DNER: variants seen among roughly 807,000 people sequenced by gnomAD.
The protein encoded by DNER is delta and Notch-like epidermal growth factor-related receptor.
In DNER, 33 loss-of-function variants were observed where a neutral mutation model predicts 78.2. The ratio of observed to expected loss-of-function variants is 0.42; its 90% CI spans 0.32 to 0.56. The LOEUF (loss-of-function observed/expected upper bound fraction) is 0.56. Among genes scored for constraint, DNER ranks in the 20% least tolerant of loss-of-function variants. DNER has a pLI of 0.11. For missense variants in DNER, 918 were observed against 975.3 expected, an observed-to-expected ratio of 0.94 and a Z score of 0.78; for synonymous variants, 417 against 384.8, an observed-to-expected ratio of 1.08 and a Z score of -0.98.
At chr2:229,489,999 G>A (rs564370412) in intron 6 of DNER, among the ~76,000 whole-genome samples, 23 of 152,204 alleles carry the variant, frequency 1.5e-4, no homozygotes, top group Middle Eastern at 3.4e-3. Flanking sequence ...AAGAAGGGGA[G>A]ATCAAAGTGG....
chr2:229,493,865 AG>A (rs1362724361), intron 6 of DNER, among the ~76,000 whole-genome samples: 1 of 152,224 alleles, frequency 6.6e-6, no homozygotes, highest in Non-Finnish European at 1.5e-5. Context: ...CAAGGAGCCC[AG>A]CTAGAAAAGG....
chr2:229,362,419 A>G (rs1018122312), intron 12 of DNER, among the ~76,000 whole-genome samples: 2 of 152,156 alleles, frequency 1.3e-5, no homozygotes, highest in African/African-American at 2.4e-5. Flanking sequence ...TGAAGCTCTC[A>G]CTTAACCTGT....
At chr2:229,673,300 C>T (rs1699241816) in intron 1 of DNER, among the ~76,000 whole-genome samples, 2 of 151,982 alleles carry the variant, frequency 1.3e-5, no homozygotes, top group African/African-American at 2.4e-5. Flanking sequence ...GAGAAGAAGG[C>T]ACGAGATGCA....
At chr2:229,441,522 CTA>C (rs1694234586) in intron 8 of DNER, among the ~76,000 whole-genome samples, 1 of 152,094 alleles carries the variant, frequency 6.6e-6, no homozygotes, top group African/African-American at 2.4e-5. Flanking sequence ...AGATTTCACT[CTA>C]GAGTGAATGC....
At chr2:229,491,890 C>A (rs1330256698) in intron 6 of DNER, among the ~76,000 whole-genome samples, 5 of 151,826 alleles carry the variant, frequency 3.3e-5, no homozygotes, top group African/African-American at 1.2e-4. Context: ...GGTTGCTCAG[C>A]CATAACCTTA....
intron 7 of DNER, among the ~76,000 whole-genome samples, chr2:229,463,477 G>A (rs778137104): frequency 1.3e-5 from 2 of 152,158 alleles, no homozygotes; most frequent in Non-Finnish European, 1.5e-5. Flanking sequence ...GTCTCGCTTT[G>A]TCTCCCAGGC....
At chr2:229,384,397 A>T (rs1235489173) in intron 11 of DNER, among the ~76,000 whole-genome samples, 1 of 152,200 alleles carries the variant, frequency 6.6e-6, no homozygotes, top group Admixed American at 6.5e-5. Context: ...AGAAGACAAG[A>T]AATAACTAAG....
intron 1 of DNER, among the ~76,000 whole-genome samples, chr2:229,700,521 A>T (rs1699729760): frequency 6.6e-6 from 1 of 151,886 alleles, no homozygotes; most frequent in South Asian, 2.1e-4. Flanking sequence ...GACATTATTT[A>T]AAAACTGGAA....
chr2:229,390,202 T>G (rs375344806), intron 10 of DNER, among the ~76,000 whole-genome samples: 30 of 152,350 alleles, frequency 2.0e-4, no homozygotes, highest in African/African-American at 6.3e-4. Context: ...ATCTGAACAC[T>G]GCAAATTCTG....
chr2:229,664,496 A>G (rs546900516), intron 1 of DNER, among the ~76,000 whole-genome samples: 3 of 152,258 alleles, frequency 2.0e-5, no homozygotes, highest in Admixed American at 1.3e-4. Flanking sequence ...AAATAATAAT[A>G]ATAATAACGA....
chr2:229,424,991 C>T (rs1467004812), intron 8 of DNER, among the ~76,000 whole-genome samples: 1 of 152,162 alleles, frequency 6.6e-6, no homozygotes, highest in East Asian at 1.9e-4. Context: ...TGTTCTAGAT[C>T]CTTTTTATAA....
intron 11 of DNER, among the ~76,000 whole-genome samples, chr2:229,382,957 A>G (rs1325997431): frequency 6.6e-6 from 1 of 152,172 alleles, no homozygotes; most frequent in Non-Finnish European, 1.5e-5. Flanking sequence ...AAGACACATA[A>G]TCATCAGATT....
At chr2:229,566,047 TGTC>T (rs1697099871) in intron 4 of DNER, among the ~76,000 whole-genome samples, 1 of 152,168 alleles carries the variant, frequency 6.6e-6, no homozygotes, top group South Asian at 2.1e-4. Context: ...TTACTATGAA[TGTC>T]GAAATAATAA....
chr2:229,367,179 C>T, intron 11 of DNER, 60 bp from the exon 12 acceptor site: 1 of 1,598,002 alleles, frequency 6.3e-7, no homozygotes. Context: ...AATGAGAAGG[C>T]CTTTTTCATC....
intron 6 of DNER, among the ~76,000 whole-genome samples, chr2:229,498,450 C>T (rs1404931577): frequency 6.6e-6 from 1 of 152,174 alleles, no homozygotes; most frequent in Middle Eastern, 3.4e-3. Flanking sequence ...AGAAATAAAA[C>T]GCTTCCAAAT....
intron 4 of DNER, among the ~76,000 whole-genome samples, chr2:229,548,381 A>G (rs28654408): frequency 0.029 from 4,473 of 152,268 alleles, 194 homozygotes; most frequent in African/African-American, 0.094. Context: ...AGAAAATGTG[A>G]CACATATACA....
Position 229,398,203 on chromosome 2 carries a change from A to C in DNER, c.1723+9029T>G, listed in dbSNP as rs542655604. ...AGCAGAAAATATCACCAAAGACTGC[A>C]GATGTCAAAAGGATAACAGAAATAC... On this transcript the variant is annotated intron_variant, in intron 10 of 12. Transcript: ENST00000341772. 1.2e-3 allele frequency among the ~76,000 whole-genome samples: 188 copies of C among 152,312 alleles called. 2 individuals carry two copies. Among genetic ancestry groups the C allele is most frequent in the Middle Eastern group, 0.01 (3 of 294 alleles).
At chr2:229,504,580 A>G (rs1695696440) in intron 6 of DNER, among the ~76,000 whole-genome samples, 2 of 152,218 alleles carry the variant, frequency 1.3e-5, no homozygotes, top group African/African-American at 4.8e-5. Context: ...AACTAAACTC[A>G]TTAGTGAACT....
chr2:229,529,171 G>C (rs1432884741), intron 5 of DNER, among the ~76,000 whole-genome samples: 5 of 151,996 alleles, frequency 3.3e-5, no homozygotes, highest in Admixed American at 6.6e-5. Context: ...TGCTGCTTTT[G>C]ATTCTAGATA....
Sources: allele counts gnomAD v4.1 joint callset (sites outside exome capture counted in the v4.1 genomes callset), GRCh38; gene constraint gnomAD v4.1.1; transcripts MANE v1.5; gene names NCBI Gene and HGNC (gene_info 2026-07-23, HGNC 2026-07-21).